RXRA: variants seen among roughly 807,000 people sequenced by gnomAD.
RXRA encodes the protein retinoid X receptor alpha.
In RXRA, 5 loss-of-function variants were observed where a neutral mutation model predicts 44.5. The observed-to-expected ratio is 0.11, with a 90% confidence interval of 0.06 to 0.24. RXRA has a LOEUF of 0.24. Among genes scored for constraint, RXRA ranks in the 10% least tolerant of loss-of-function variants. RXRA has a pLI of 1.00. For synonymous variants in RXRA, 291 were observed against 271.4 expected (o/e 1.07, Z -0.71); for missense variants, 412 against 646.5 (o/e 0.64, Z 3.93).
chr9:134,396,028 G>A (rs11103483), intron 1 of RXRA, among the ~76,000 whole-genome samples: 80,632 of 152,128 alleles, frequency 0.53, 23,306 homozygotes, highest in East Asian at 0.73. Flanking sequence ...CAGCAGGTAC[G>A]GAGAGCCCAC....
intron 1 of RXRA, among the ~76,000 whole-genome samples, chr9:134,378,126 C>A (rs1460237393): frequency 6.6e-6 from 1 of 152,238 alleles, no homozygotes; most frequent in African/African-American, 2.4e-5. Context: ...AGGAAGCTGG[C>A]AGCCACCCAG....
At chr9:134,397,836 G>A (rs1469690764) in intron 1 of RXRA, among the ~76,000 whole-genome samples, 1 of 152,182 alleles carries the variant, frequency 6.6e-6, no homozygotes, top group Non-Finnish European at 1.5e-5. Context: ...GTGTGGGGAG[G>A]GCTGTGTGTC....
At chr9:134,385,254 G>A (rs961145510) in intron 1 of RXRA, among the ~76,000 whole-genome samples, 1 of 152,194 alleles carries the variant, frequency 6.6e-6, no homozygotes, top group African/African-American at 2.4e-5. Flanking sequence ...ACTCACTACC[G>A]GCCCGGGGCT....
At chr9:134,391,029 G>A (rs1180170466) in intron 1 of RXRA, among the ~76,000 whole-genome samples, 2 of 152,206 alleles carry the variant, frequency 1.3e-5, no homozygotes, top group African/African-American at 2.4e-5. Flanking sequence ...TCTGTCCACC[G>A]CGTGGCCCCG....
At chr9:134,339,755 GTGTC>G (rs1564260435) in intron 1 of RXRA, among the ~76,000 whole-genome samples, 4 of 150,882 alleles carry the variant, frequency 2.7e-5, no homozygotes, top group Admixed American at 1.3e-4. Context: ...GATCCCGTGT[GTGTC>G]TGTGCACACC....
At chr9:134,392,320 C>T (rs985985219) in intron 1 of RXRA, among the ~76,000 whole-genome samples, 2 of 145,284 alleles carry the variant, frequency 1.4e-5, no homozygotes, top group Admixed American at 1.4e-4. Context: ...GCTCACGATG[C>T]CCCGGGGGGA....
chr9:134,390,517 G>A (rs1378677604), intron 1 of RXRA, among the ~76,000 whole-genome samples: 3 of 151,930 alleles, frequency 2.0e-5, no homozygotes, highest in Non-Finnish European at 4.4e-5. Flanking sequence ...CTGTGGCCAC[G>A]GGGTGGTTTG....
chr9:134,358,662 C>G (rs181986857), intron 1 of RXRA, among the ~76,000 whole-genome samples: 6 of 152,198 alleles, frequency 3.9e-5, no homozygotes, highest in Non-Finnish European at 8.8e-5. Flanking sequence ...TAGGCCCTGC[C>G]CTCCCCTCCC....
At chr9:134,388,062 T>C (rs1830746464) in intron 1 of RXRA, among the ~76,000 whole-genome samples, 1 of 152,172 alleles carries the variant, frequency 6.6e-6, no homozygotes, top group South Asian at 2.1e-4. Flanking sequence ...GAGAGGCCTC[T>C]TCAGCTCTTG....
At chr9:134,421,921 C>G in intron 6 of RXRA, 116 bp downstream of exon 6, 1 of 1,530,344 alleles carries the variant, frequency 6.5e-7, no homozygotes, top group East Asian at 2.5e-5. Flanking sequence ...TCCTGGGACA[C>G]TCCCCCCTCC....
chr9:134,433,983 C>G lies in RXRA; in HGVS notation c.1136-119C>G. The G allele has an allele frequency of 1.4e-6, 1 of 692,294 alleles. No individual in the cohort carries two copies. Among genetic ancestry groups the G allele is most frequent in the Non-Finnish European group, 2.5e-6 (1 of 406,746 alleles). The allele number at this position is 692,294 out of a possible 1,614,324, so 42.9% of individuals were successfully genotyped here. On this transcript the variant is annotated intron_variant, in intron 8 of 9. Coordinates refer to ENST00000481739, the MANE Select transcript of RXRA (RefSeq NM_002957.6). The surrounding 1 kb of genome is among the most constrained non-coding windows in gnomAD (Gnocchi z 4.2). ...AGGCATGTCCAGCGGCATTCCTCCA[C>G]CACCTGCTCTGCCCATGGTGGGGCA...
intron 1 of RXRA, among the ~76,000 whole-genome samples, chr9:134,358,513 CCTTGTGCAGG>C (rs1293278033): frequency 6.6e-6 from 1 of 152,186 alleles, no homozygotes; most frequent in African/African-American, 2.4e-5. Context: ...TCCTCAGAGG[CCTTGTGCAGG>C]GTCTGGACTT....
intron 1 of RXRA, among the ~76,000 whole-genome samples, chr9:134,375,300 T>C (rs532398223): frequency 7.9e-5 from 12 of 152,140 alleles, no homozygotes; most frequent in South Asian, 6.2e-4. Flanking sequence ...AGGTGGGAGC[T>C]GCCTGCTGTC....
chr9:134,401,545 G>A lies in RXRA; in HGVS notation c.29-87G>A, dbSNP rs936860404. 31 of 1,590,606 alleles carry A rather than the reference G, an allele frequency of 1.9e-5. 1 individual carries two copies. The South Asian group carries it at 2.0e-4, about 10-fold the overall frequency. On this transcript the variant is annotated intron_variant, in intron 1 of 9. Coordinates refer to ENST00000481739, the MANE Select transcript of RXRA (RefSeq NM_002957.6). Reference sequence around the variant, plus strand: ...GGTGCCGGGGTCTTCCCGCAGGTGCGTGCATCTGTAGCTGGGGGGAGCAGG... The same window carrying A: ...GGTGCCGGGGTCTTCCCGCAGGTGCATGCATCTGTAGCTGGGGGGAGCAGG...
intron 4 of RXRA, among the ~76,000 whole-genome samples, chr9:134,414,091 C>T (rs1036586688): frequency 2.6e-5 from 4 of 152,222 alleles, no homozygotes; most frequent in South Asian, 2.1e-4. Flanking sequence ...GCATAAATCC[C>T]GGCCCCTCCT....
chr9:134,399,630 G>A (rs1345322035), intron 1 of RXRA, among the ~76,000 whole-genome samples: 2 of 152,236 alleles, frequency 1.3e-5, no homozygotes, highest in Non-Finnish European at 2.9e-5. Context: ...CTGGTTTGCA[G>A]TACCTGTCTT....
chr9:134,407,849 G>T lies in RXRA; in HGVS notation c.280-300G>T, dbSNP rs553531425. On this transcript the variant is annotated intron_variant, in intron 2 of 9. Transcript: ENST00000481739. This position sits in a 1 kb window ranked among gnomAD's most constrained non-coding sequence, Gnocchi z 4.8. ...CATTTAGGTGGGCAGCGGGCAGGGG[G>T]TTGCAAGCAGGGACCGCCCATGTGT... 1.3e-5 allele frequency among the ~76,000 whole-genome samples: 2 copies of T among 152,074 alleles called. No individual in the cohort carries two copies. Among genetic ancestry groups the T allele is most frequent in the Non-Finnish European group, 2.9e-5 (2 of 67,986 alleles).
chr9:134,388,963 G>C (rs556979533), intron 1 of RXRA, among the ~76,000 whole-genome samples: 1 of 152,254 alleles, frequency 6.6e-6, no homozygotes, highest in Non-Finnish European at 1.5e-5. Flanking sequence ...CCTCTCCTTC[G>C]TGCTGGATGC....
intron 1 of RXRA, among the ~76,000 whole-genome samples, chr9:134,385,063 A>T (rs1830699368): frequency 6.6e-6 from 1 of 151,946 alleles, no homozygotes; most frequent in South Asian, 2.1e-4. Flanking sequence ...GCTCAGAGCT[A>T]CCCCTGCGCA....
Sources: gnomAD v4.1 joint callset for allele counts (sites outside exome capture counted in the v4.1 genomes callset) on GRCh38, gnomAD v4.1.1 for gene constraint, Gnocchi (gnomAD v3.1) non-coding constraint, MANE v1.5 for transcripts, NCBI Gene and HGNC (gene_info 2026-07-23, HGNC 2026-07-21) for gene names.